Variants in MYO1B observed in about 807,000 individuals in gnomAD.
MYO1B encodes unconventional myosin-Ib.
MYO1B carries 72 observed loss-of-function variants against 159.7 expected under a neutral mutation model. The ratio of observed to expected loss-of-function variants is 0.45; its 90% CI spans 0.37 to 0.55. The LOEUF is 0.55. MYO1B is among the 20% of genes least tolerant of loss of function. The pLI is 0.00. For missense variants in MYO1B, 1,062 were observed against 1,364.8 expected (o/e 0.78, Z 3.50); for synonymous variants, 468 against 473.8 (o/e 0.99, Z 0.16).
At position 191,396,575 on chromosome 2, in the gene MYO1B, C is replaced by T. The variant is rs1696086100; in HGVS notation, c.2295+78C>T. 2.8e-6 allele frequency: 4 copies of T among 1,428,428 alleles called. No individual in the cohort carries two copies. In the South Asian group the frequency reaches 4.6e-5, roughly 16 times the overall value. 88.5% of individuals were successfully genotyped at this position (1,428,428 alleles called of 1,614,324 possible). A position where few individuals can be genotyped will look rare whatever the true frequency, so the allele number is the denominator to read the frequency against. On this transcript the variant is annotated intron_variant, in intron 21 of 30. Coordinates refer to ENST00000392318, the MANE Select transcript of MYO1B (RefSeq NM_001130158.3). ...AAAGGATAATGTCTTTAGGGTCACC[C>T]TGCAGAGGAGGGGCTCCTCTGTCTC... is the stretch of plus-strand genomic sequence containing the variant.
intron 21 of MYO1B, 143 bp downstream of exon 21, chr2:191,396,640 T>C (rs1696091409): frequency 4.0e-6 from 3 of 759,072 alleles, no homozygotes; most frequent in South Asian, 3.6e-5. Flanking sequence ...AGAATAAATA[T>C]TATGGGCCAA....
chr2:191,250,005 G>C (rs921650297), intron 1 of MYO1B, among the ~76,000 whole-genome samples: 2 of 152,236 alleles, frequency 1.3e-5, no homozygotes, highest in Non-Finnish European at 2.9e-5. Flanking sequence ...GCAGTTGTCA[G>C]CCTCTTCCTC....
At chr2:191,349,746 T>C (rs1357668594) in intron 6 of MYO1B, among the ~76,000 whole-genome samples, 2 of 152,248 alleles carry the variant, frequency 1.3e-5, no homozygotes, top group Non-Finnish European at 2.9e-5. Context: ...CATTTACTGA[T>C]ATGTTTCAAG....
chr2:191,286,662 G>A (rs564293049), intron 2 of MYO1B, among the ~76,000 whole-genome samples: 1 of 152,256 alleles, frequency 6.6e-6, no homozygotes, highest in Admixed American at 6.5e-5. Flanking sequence ...GTTGGGTGCC[G>A]TGGCTAATGC....
intron 7 of MYO1B, among the ~76,000 whole-genome samples, chr2:191,356,851 A>G (rs1456873532): frequency 1.3e-5 from 2 of 152,228 alleles, no homozygotes; most frequent in African/African-American, 4.8e-5. Flanking sequence ...CTGAAGAGGC[A>G]TAAATTCATT....
intron 7 of MYO1B, among the ~76,000 whole-genome samples, chr2:191,356,452 A>G (rs922387519): frequency 6.6e-6 from 1 of 151,778 alleles, no homozygotes; most frequent in Non-Finnish European, 1.5e-5. Flanking sequence ...TGAAATTTCA[A>G]AAGAGCAATG....
At chr2:191,330,519 C>T (rs1028854284) in intron 4 of MYO1B, among the ~76,000 whole-genome samples, 2 of 152,164 alleles carry the variant, frequency 1.3e-5, no homozygotes, top group African/African-American at 2.4e-5. Flanking sequence ...TGGCAAGCTT[C>T]GCATAAAAAA....
At chr2:191,366,247 A>C (rs553504966) in intron 11 of MYO1B, among the ~76,000 whole-genome samples, 1 of 152,358 alleles carries the variant, frequency 6.6e-6, no homozygotes, top group South Asian at 2.1e-4. Flanking sequence ...TATGGGAACC[A>C]GGCCCAGGTG....
intron 26 of MYO1B, among the ~76,000 whole-genome samples, chr2:191,410,098 G>A (rs1370912326): frequency 6.6e-6 from 1 of 152,150 alleles, no homozygotes; most frequent in Non-Finnish European, 1.5e-5. Context: ...CAAATTTGGC[G>A]AGGTTCATGA....
chr2:191,246,241 G>A (rs1229447356), intron 1 of MYO1B: 1 of 152,336 alleles, frequency 6.6e-6, no homozygotes, highest in African/African-American at 2.4e-5. Context: ...CGGTCCCAGA[G>A]AGGGAAGGGG....
intron 1 of MYO1B, among the ~76,000 whole-genome samples, chr2:191,261,871 A>C (rs1165046002): frequency 6.6e-6 from 1 of 152,206 alleles, no homozygotes; most frequent in Non-Finnish European, 1.5e-5. Flanking sequence ...CAAAAGATTG[A>C]CAATAAATGT....
At chr2:191,423,388 A>G (rs1012034088) in intron 30 of MYO1B, among the ~76,000 whole-genome samples, 1 of 152,214 alleles carries the variant, frequency 6.6e-6, no homozygotes, top group Non-Finnish European at 1.5e-5. Flanking sequence ...GGCCAGCTCC[A>G]TCATAATCTT....
At chr2:191,358,679 G>A (rs1417173252) in intron 7 of MYO1B, among the ~76,000 whole-genome samples, 4 of 152,212 alleles carry the variant, frequency 2.6e-5, no homozygotes, top group Non-Finnish European at 5.9e-5. Context: ...CTTTTGTAAT[G>A]TGATTGTGGA....
At chr2:191,372,792 C>T (rs181175459) in intron 13 of MYO1B, among the ~76,000 whole-genome samples, 1 of 151,998 alleles carries the variant, frequency 6.6e-6, no homozygotes, top group African/African-American at 2.4e-5. Flanking sequence ...GCTGAATGTG[C>T]CCTCCTTCTG....
rs1172436901 is a variant in MYO1B, at chr2:191,369,547, T to G, written c.1038T>G (p.Tyr346Ter). Residue 346 changes from tyrosine to a stop codon, truncating the protein, a stop_gained, in exon 12 of 31, where the codon TAT (tyrosine) becomes TAG (stop). Transcript: ENST00000392318. LOFTEE classifies it high-confidence loss of function. ...VSTTLNVAQA[Y>*]YARDALAKNL... The stretch of plus-strand genomic sequence containing the variant: ...GTTTGTTTGTTTTTTAATAGGCTTA[T>G]TATGCCCGTGATGCTCTGGCTAAAA... 6.2e-7 allele frequency: 1 copy of G among 1,612,988 alleles called. No homozygotes were observed. Among genetic ancestry groups the G allele is most frequent in the Non-Finnish European group, 8.5e-7 (1 of 1,179,210 alleles).
rs1412135233 is a variant in MYO1B at position 191,424,002 on chromosome 2, ATAG to A, written c.*44_*46del. The A allele has an allele frequency of 1.3e-6, 2 of 1,582,070 alleles. No individual in the cohort carries two copies. The highest frequency in any genetic ancestry group is 2.2e-5 in the East Asian group (1 of 44,626). On this transcript the variant is annotated 3_prime_UTR_variant, in exon 31 of 31. Transcript: ENST00000392318. ...ACTTTCATGGACTTGTTCCTTTGTA[ATAG>A]TGCAATTTGGTTTTGTTTTATTTGG... is the stretch of plus-strand genomic sequence containing the variant.
chr2:191,277,456 A>G (rs2125744567), intron 2 of MYO1B, among the ~76,000 whole-genome samples: 1 of 152,322 alleles, frequency 6.6e-6, no homozygotes, highest in Admixed American at 6.5e-5. Flanking sequence ...GTTAGTAGGG[A>G]CAGGAGCAGA....
At chr2:191,334,545 A>G (rs777222625) in intron 4 of MYO1B, among the ~76,000 whole-genome samples, 5 of 152,008 alleles carry the variant, frequency 3.3e-5, no homozygotes, top group Admixed American at 6.6e-5. Context: ...AATTTGTTCT[A>G]TTGGTTTCAG....
chr2:191,413,161 A>C (rs1007107536), intron 27 of MYO1B, among the ~76,000 whole-genome samples: 1 of 152,202 alleles, frequency 6.6e-6, no homozygotes, highest in Non-Finnish European at 1.5e-5. Flanking sequence ...AAATAAATTG[A>C]AGTCAATTTT....
Sources: gnomAD v4.1 joint callset for allele counts (sites outside exome capture counted in the v4.1 genomes callset) on GRCh38, gnomAD v4.1.1 for gene constraint, MANE v1.5 for transcripts, NCBI Gene and HGNC (gene_info 2026-07-23, HGNC 2026-07-21) for gene names.